The following MNAT1 variants were observed in gnomAD, a reference collection of about 807,000 sequenced individuals.
MNAT1 encodes the protein CDK-activating kinase assembly factor MAT1.
A neutral mutation model predicts 42.0 loss-of-function variants in MNAT1; 43 were observed. The observed-to-expected ratio is 1.02, with a 90% CI of 0.80 to 1.32. The LOEUF is 1.32. Ranked by LOEUF, MNAT1 falls within the 40% of genes most tolerant of loss-of-function variation. The probability of loss-of-function intolerance (pLI) is 0.00; values close to 1 mark genes in which losing one functional copy is unlikely to be tolerated. For missense variants in MNAT1, 306 were observed against 350.4 expected, an observed-to-expected ratio of 0.87 and a Z score of 1.01; for synonymous variants, 118 against 120.0, an observed-to-expected ratio of 0.98 and a Z score of 0.11.
chr14:60,939,156 A>T (rs781102947), intron 7 of MNAT1, among the ~76,000 whole-genome samples: 7 of 151,724 alleles, frequency 4.6e-5, no homozygotes, highest in Non-Finnish European at 5.9e-5. Flanking sequence ...GCGGTCTATC[A>T]ATTTTGTTGA....
chr14:60,797,244 AT>A (rs1295579507), intron 2 of MNAT1, among the ~76,000 whole-genome samples: 1 of 152,146 alleles, frequency 6.6e-6, no homozygotes, highest in African/African-American at 2.4e-5. Flanking sequence ...TATTGTTTGT[AT>A]AACTTCTGCA....
chr14:60,818,590 A>G, intron 5 of MNAT1, 132 bp from the exon 6 acceptor site: 2 of 625,510 alleles, frequency 3.2e-6, no homozygotes, highest in Non-Finnish European at 4.7e-6. Flanking sequence ...TTTTTTGTAA[A>G]GTGTCCTCCA....
intron 7 of MNAT1, among the ~76,000 whole-genome samples, chr14:60,905,736 G>A (rs1240548827): frequency 6.6e-6 from 1 of 152,176 alleles, no homozygotes; most frequent in Non-Finnish European, 1.5e-5. Context: ...AGCTCCAGAA[G>A]AAAGAGTGAA....
rs1896442701 is a variant in MNAT1 at position 60,740,958 on chromosome 14, A to G, written c.89+6007A>G. On this transcript the variant is annotated intron_variant, in intron 1 of 7. Transcript: ENST00000261245. This position sits in a 1 kb window ranked among gnomAD's most constrained non-coding sequence, Gnocchi z 4.1. ...TTTATTTTATCTACTCATCTTATGA[A>G]TTACTCCACTATGATTATAGATTTG... Among the ~76,000 whole-genome samples, 1 of 152,180 alleles carries G rather than the reference A, an allele frequency of 6.6e-6. No homozygotes were observed. Among genetic ancestry groups the G allele is most frequent in the South Asian group, 2.1e-4 (1 of 4,834 alleles).
At chr14:60,749,569 A>T (rs1364808446) in intron 1 of MNAT1, among the ~76,000 whole-genome samples, 5 of 152,226 alleles carry the variant, frequency 3.3e-5, no homozygotes, top group African/African-American at 1.2e-4. Context: ...CAATGGGTTC[A>T]CTAGTAGTGA....
intron 1 of MNAT1, among the ~76,000 whole-genome samples, chr14:60,759,295 T>C (rs1594730549): frequency 6.6e-6 from 1 of 152,344 alleles, no homozygotes; most frequent in African/African-American, 2.4e-5. Context: ...TACTTTTCTT[T>C]CTTCTCTCTC....
At chr14:60,909,685 G>C (rs375005185) in intron 7 of MNAT1, among the ~76,000 whole-genome samples, 2,685 of 152,090 alleles carry the variant, frequency 0.018, 59 homozygotes, top group African/African-American at 0.056. Context: ...TGGTCTATAT[G>C]TCTGTTTTGG....
At chr14:60,913,742 G>A (rs2035444472) in intron 7 of MNAT1, among the ~76,000 whole-genome samples, 1 of 152,120 alleles carries the variant, frequency 6.6e-6, no homozygotes, top group Admixed American at 6.5e-5. Flanking sequence ...CCCCTACTGG[G>A]GGGTACCTCC....
chr14:60,879,749 T>A lies in MNAT1; in HGVS notation c.723T>A (p.Leu241=), dbSNP rs747220147. ...TTTCACTGGCACCTATTCACAAGCT[T>A]GAAGAAGCTCTGTATGAATACCAGC... ...QHISLAPIHK[L]EEALYEYQPL... The change falls in exon 7 of 8, where the codon CTT becomes CTA. Residue 241 remains leucine, a synonymous_variant. Coordinates refer to ENST00000261245, the MANE Select transcript of MNAT1 (RefSeq NM_002431.4). 1 of 1,613,226 alleles carries A rather than the reference T, an allele frequency of 6.2e-7. No homozygotes were observed. The highest frequency in any genetic ancestry group is 8.5e-7 in the Non-Finnish European group (1 of 1,179,414).
intron 6 of MNAT1, among the ~76,000 whole-genome samples, chr14:60,872,164 G>T (rs894792037): frequency 1.3e-5 from 2 of 152,100 alleles, no homozygotes; most frequent in African/African-American, 2.4e-5. Flanking sequence ...GGCACAGGGG[G>T]AGCAGGCACA....
At chr14:60,887,405 A>C (rs2034704245) in intron 7 of MNAT1, among the ~76,000 whole-genome samples, 2 of 97,196 alleles carry the variant, frequency 2.1e-5, no homozygotes, top group African/African-American at 4.1e-5. Flanking sequence ...CCACCCCACA[A>C]CAGTCCCCAG....
intron 7 of MNAT1, among the ~76,000 whole-genome samples, chr14:60,967,401 G>C (rs190466047): frequency 6.6e-6 from 1 of 152,150 alleles, no homozygotes; most frequent in South Asian, 2.1e-4. Context: ...GAAGAAACAA[G>C]TTAGTTTCTT....
chr14:60,935,945 A>G (rs8017374), intron 7 of MNAT1, among the ~76,000 whole-genome samples: 7,472 of 152,214 alleles, frequency 0.049, 604 homozygotes, highest in African/African-American at 0.17. Flanking sequence ...AGAACAGGAT[A>G]TTATTAGGCT....
chr14:60,891,444 C>T (rs1186925214), intron 7 of MNAT1, among the ~76,000 whole-genome samples: 1 of 150,512 alleles, frequency 6.6e-6, no homozygotes, highest in African/African-American at 2.4e-5. Flanking sequence ...TAAGACTTTT[C>T]TTGTTTTGTT....
At chr14:60,905,991 G>A (rs1019191287) in intron 7 of MNAT1, among the ~76,000 whole-genome samples, 1 of 152,174 alleles carries the variant, frequency 6.6e-6, no homozygotes, top group Non-Finnish European at 1.5e-5. Flanking sequence ...ACAAATAAAG[G>A]ATAAAAGGAT....
chr14:60,809,734 A>G (rs1024923605), intron 4 of MNAT1, among the ~76,000 whole-genome samples: 15 of 152,044 alleles, frequency 9.9e-5, no homozygotes, highest in Non-Finnish European at 2.9e-5. Context: ...TGATCCTTTT[A>G]ATGTGCAGTT....
intron 7 of MNAT1, among the ~76,000 whole-genome samples, chr14:60,920,904 G>T (rs1413823764): frequency 1.3e-5 from 2 of 152,184 alleles, no homozygotes; most frequent in African/African-American, 4.8e-5. Flanking sequence ...ATAGCTTGGT[G>T]ACTCTTTCAA....
At chr14:60,786,659 A>G (rs148784161) in intron 1 of MNAT1, among the ~76,000 whole-genome samples, 9 of 152,304 alleles carry the variant, frequency 5.9e-5, no homozygotes, top group African/African-American at 1.9e-4. Context: ...CAAAACAAAA[A>G]AATTTTGTGA....
chr14:60,910,869 C>G (rs2035337637), intron 7 of MNAT1, among the ~76,000 whole-genome samples: 1 of 152,142 alleles, frequency 6.6e-6, no homozygotes, highest in Non-Finnish European at 1.5e-5. Flanking sequence ...CCCTCTTTTT[C>G]TATTGATTGG....
Sources: allele counts gnomAD v4.1 joint callset (sites outside exome capture counted in the v4.1 genomes callset), GRCh38; gene constraint gnomAD v4.1.1; non-coding constraint Gnocchi (gnomAD v3.1); transcripts MANE v1.5; gene names NCBI Gene and HGNC (gene_info 2026-07-23, HGNC 2026-07-21).